Variants in MTCL1 observed in about 807,000 individuals in gnomAD.
MTCL1 encodes the protein microtubule cross-linking factor 1.
Under a neutral mutation model 141.4 loss-of-function variants are expected in MTCL1, and 79 were observed. The ratio of observed to expected loss-of-function variants is 0.56; its 90% confidence interval spans 0.47 to 0.67. The LOEUF (loss-of-function observed/expected upper bound fraction) is 0.67. Among genes scored for constraint, MTCL1 ranks in the 30% least tolerant of loss-of-function variants. The pLI is 0.00. For missense variants in MTCL1, 2,177 were observed against 2,113.9 expected, an observed-to-expected ratio of 1.03 and a Z score of -0.59; for synonymous variants, 914 against 875.8, an observed-to-expected ratio of 1.04 and a Z score of -0.77.
exon 15 of MTCL1, chr18:8,826,193 C>T: frequency 1.2e-6 from 2 of 1,609,856 alleles, no homozygotes; most frequent in Non-Finnish European, 8.5e-7. Context: ...ACAGTGACAG[C>T]CACTCGCTGG....
At chr18:8,724,607 A>T (rs188226903) in intron 4 of MTCL1, among the ~76,000 whole-genome samples, 1 of 152,116 alleles carries the variant, frequency 6.6e-6, no homozygotes, top group African/African-American at 2.4e-5. Flanking sequence ...CTGCTTAAAC[A>T]GGCAGACTTG....
At chr18:8,821,724 A>G (rs2076852350) in intron 14 of MTCL1, among the ~76,000 whole-genome samples, 1 of 152,210 alleles carries the variant, frequency 6.6e-6, no homozygotes, top group African/African-American at 2.4e-5. Context: ...GTTTTATGGT[A>G]AGGACTTTCC....
chr18:8,770,526 G>A lies in MTCL1; in HGVS notation c.358-7307G>A, dbSNP rs114016939. Among the ~76,000 whole-genome samples, 217 of 152,300 alleles carry A rather than the reference G, an allele frequency of 1.4e-3. 1 individual carries two copies. Among genetic ancestry groups the A allele is most frequent in the African/African-American group, 4.7e-3 (196 of 41,566 alleles). ...TGCCTCTTCCTCGTCTTACAAGGAC[G>A]CTAATCCCATTGTGGGGGTTCCACC... On this transcript the variant is annotated intron_variant, in intron 4 of 16. Coordinates refer to ENST00000359865, the Ensembl canonical transcript of MTCL1.
Position 8,805,866 on chromosome 18 carries a change from A to G in MTCL1, c.2437-1027A>G, listed in dbSNP as rs1703237725. 1.3e-5 allele frequency among the ~76,000 whole-genome samples: 2 copies of G among 152,352 alleles called. 1 individual carries two copies. Among genetic ancestry groups the G allele is most frequent in the East Asian group, 3.9e-4 (2 of 5,194 alleles). On this transcript the variant is annotated intron_variant, in intron 10 of 16. Transcript: ENST00000359865. ...ACGAGGCTTTTATTATCAAGGTACC[A>G]TAATTGATTCAGCGTGTTTCATTCA... is the stretch of plus-strand genomic sequence containing the variant.
At chr18:8,820,344 A>T (rs2076804098) in intron 13 of MTCL1, among the ~76,000 whole-genome samples, 1 of 152,036 alleles carries the variant, frequency 6.6e-6, no homozygotes. Flanking sequence ...CAGGAGGCGG[A>T]GCTTGTAGTG....
chr18:8,780,409 C>T (rs1012691901), intron 5 of MTCL1, among the ~76,000 whole-genome samples: 1 of 152,254 alleles, frequency 6.6e-6, no homozygotes, highest in African/African-American at 2.4e-5. Context: ...GCCCTGCCCC[C>T]ACCTTGTCCA....
intron 10 of MTCL1, 50 bp downstream of exon 9, chr18:8,798,341 G>A: frequency 7.0e-7 from 1 of 1,421,604 alleles, no homozygotes; most frequent in Non-Finnish European, 9.2e-7. Context: ...AGGGAGAGGA[G>A]GCTCCTAAGC....
chr18:8,718,599 C>T (rs760269657), exon 3 of MTCL1: 32 of 1,613,700 alleles, frequency 2.0e-5, no homozygotes, highest in South Asian at 6.6e-5. Context: ...GTGGCTGAGA[C>T]GGGTCAGGTG....
intron 12 of MTCL1, among the ~76,000 whole-genome samples, chr18:8,817,616 CAG>C (rs2076700078): frequency 6.6e-6 from 1 of 152,046 alleles, no homozygotes; most frequent in Non-Finnish European, 1.5e-5. Flanking sequence ...AATTAGGACA[CAG>C]AGATGCAGTT....
At chr18:8,724,182 G>T (rs1267089733) in intron 4 of MTCL1, among the ~76,000 whole-genome samples, 1 of 152,134 alleles carries the variant, frequency 6.6e-6, no homozygotes, top group African/African-American at 2.4e-5. Context: ...GGCCGAGGTG[G>T]GTGGATCACC....
At chr18:8,821,976 C>T (rs1017162684) in intron 14 of MTCL1, among the ~76,000 whole-genome samples, 5 of 152,140 alleles carry the variant, frequency 3.3e-5, no homozygotes, top group East Asian at 1.9e-4. Context: ...CAGTTTTTTC[C>T]TCCCCAGTTT....
At chr18:8,789,292 G>C in intron 7 of MTCL1, 2 of 427,856 alleles carry the variant, frequency 4.7e-6, no homozygotes, top group Non-Finnish European at 6.2e-6. Flanking sequence ...CTCATGTACT[G>C]CTTTTGAAAT....
chr18:8,706,479 C>A, exon 1 of MTCL1: 2 of 1,267,798 alleles, frequency 1.6e-6, no homozygotes, highest in Non-Finnish European at 2.0e-6. Flanking sequence ...TCGCCGCGCC[C>A]CTCGCCGCGG....
At position 8,784,464 on chromosome 18, in the gene MTCL1, C is replaced by G. The variant is rs574579523; in HGVS notation, c.1352C>G (p.Ser451Cys). Residue 451 changes from serine (S) to cysteine (C), a missense_variant, in exon 6 of 17, where the codon TCT becomes TGT. By Grantham distance (112) the Ser-to-Cys change is moderately radical. Coordinates refer to ENST00000359865, the Ensembl canonical transcript of MTCL1. ...GAGCTCCTGAAGGCCCGGGAGGACTCTGAGTACCTAGTGACCCTAAAACAC... is the reference window on the plus strand; with the variant it reads ...GAGCTCCTGAAGGCCCGGGAGGACTGTGAGTACCTAGTGACCCTAAAACAC... 2.0e-5 allele frequency: 31 copies of G among 1,548,208 alleles called. No individual in the cohort carries two copies. In the South Asian group the frequency reaches 3.7e-4, roughly 18 times the overall value.
In MTCL1 at chr18:8,799,066, G is replaced by GA. The variant is rs575253421; in HGVS notation, c.2436+775_2436+776insA. On this transcript the variant is annotated intron_variant, in intron 10 of 16. Coordinates refer to ENST00000359865, the Ensembl canonical transcript of MTCL1. ...CAGCTGGATGCCCCTGCCCTAGGAA[G>GA]CCTGCGTTCAGGGCTGAGGGCGCAG... Among the ~76,000 whole-genome samples, 7 of 152,324 alleles carry GA rather than the reference G, an allele frequency of 4.6e-5. No individual in the cohort carries two copies. The South Asian group carries it at 1.5e-3, about 32-fold the overall frequency.
upstream of MTCL1, among the ~76,000 whole-genome samples, chr18:8,713,485 A>G (rs960397597): frequency 1.3e-5 from 2 of 152,218 alleles, no homozygotes; most frequent in African/African-American, 4.8e-5. Flanking sequence ...AGGTTCTGCA[A>G]TACAGTTTTC....
rs2077104247 is a variant in MTCL1 at position 8,828,801 on chromosome 18, T to A, written c.4723-107T>A. 8 of 1,561,814 alleles carry A rather than the reference T, an allele frequency of 5.1e-6. No individual in the cohort carries two copies. The highest frequency in any genetic ancestry group is 1.3e-5 in the African/African-American group (1 of 74,198). ...GGCTACCCCTGAGCGAGAGGGATGG[T>A]CCTCTACCTCCGGGCTTGCTGACTT... On this transcript the variant is annotated intron_variant, in intron 15 of 16. Transcript: ENST00000359865. The surrounding 1 kb of genome is among the most constrained non-coding windows in gnomAD (Gnocchi z 5.2).
chr18:8,831,318 T>G, intron 16 of MTCL1: 1 of 1,235,844 alleles, frequency 8.1e-7, no homozygotes, highest in East Asian at 4.3e-5. Context: ...TCATGCCTTC[T>G]GTATACCCCA....
At chr18:8,731,496 C>A (rs551138219) in intron 4 of MTCL1, among the ~76,000 whole-genome samples, 69 of 152,006 alleles carry the variant, frequency 4.5e-4, no homozygotes, top group African/African-American at 1.6e-3. Flanking sequence ...ATCGCTTGAA[C>A]CTGGGAGGCA....
Sources: allele counts gnomAD v4.1 joint callset (sites outside exome capture counted in the v4.1 genomes callset), GRCh38; gene constraint gnomAD v4.1.1; non-coding constraint Gnocchi (gnomAD v3.1); transcripts MANE v1.5; gene names NCBI Gene and HGNC (gene_info 2026-07-23, HGNC 2026-07-21).